Variants in JKAMP observed in about 807,000 individuals in gnomAD.
JKAMP encodes the protein JNK1/MAPK8 associated membrane protein.
In JKAMP, 20 loss-of-function variants were observed where a neutral mutation model predicts 40.2. The observed-to-expected ratio is 0.50, with a 90% CI of 0.35 to 0.72. JKAMP has a LOEUF of 0.72. JKAMP is among the 30% of genes least tolerant of loss of function. The probability of loss-of-function intolerance (pLI) is 0.01; values close to 1 mark genes in which losing one functional copy is unlikely to be tolerated. For synonymous variants in JKAMP, 138 were observed against 131.6 expected, an observed-to-expected ratio of 1.05 and a Z score of -0.33; for missense variants, 276 against 373.0, an observed-to-expected ratio of 0.74 and a Z score of 2.14.
At chr14:59,498,703 C>G in intron 4 of JKAMP, 24 bp from the exon 5 acceptor site, 7 of 1,245,690 alleles carry the variant, frequency 5.6e-6, no homozygotes, top group Non-Finnish European at 7.8e-6. Flanking sequence ...TTTGATGTTA[C>G]AAATTCTTTA....
intron 2 of JKAMP, 123 bp from the exon 3 acceptor site, chr14:59,487,550 TA>T: frequency 1.5e-6 from 1 of 687,880 alleles, no homozygotes; most frequent in Non-Finnish European, 2.5e-6. Flanking sequence ...TTTTTATTTC[TA>T]AAAGCTGCAC....
At chr14:59,490,961 G>A (rs1016752990) in intron 3 of JKAMP, among the ~76,000 whole-genome samples, 4 of 152,178 alleles carry the variant, frequency 2.6e-5, no homozygotes, top group Non-Finnish European at 4.4e-5. Context: ...GAGGGAAGGC[G>A]AGGAGTGACT....
intron 6 of JKAMP, among the ~76,000 whole-genome samples, chr14:59,502,282 A>T (rs7149558): frequency 6.6e-6 from 1 of 151,962 alleles, no homozygotes. Flanking sequence ...CAAACTCTAG[A>T]GGAAGCAGAA....
chr14:59,487,890 G>A, intron 3 of JKAMP, 62 bp downstream of exon 3: 1 of 1,433,774 alleles, frequency 7.0e-7, no homozygotes, highest in Non-Finnish European at 9.8e-7. Flanking sequence ...TCACTCAGAA[G>A]ACCTTATTAA....
At chr14:59,488,557 G>A (rs1485001106) in intron 3 of JKAMP, among the ~76,000 whole-genome samples, 1 of 152,186 alleles carries the variant, frequency 6.6e-6, no homozygotes, top group East Asian at 1.9e-4. Flanking sequence ...GAAGTAATCT[G>A]GGGTAGTCAA....
At chr14:59,495,295 C>A in intron 4 of JKAMP, 71 bp downstream of exon 4, 1 of 1,203,608 alleles carries the variant, frequency 8.3e-7, no homozygotes, top group Non-Finnish European at 1.2e-6. Flanking sequence ...GATTTTATGG[C>A]GTTTGGAGAC....
chr14:59,484,584 C>G lies in JKAMP; in HGVS notation c.-6C>G. The stretch of plus-strand genomic sequence containing the variant: ...GTGCTTCTCGAAAAAAACCTTCAGG[C>G]GGCCCATGGGTGAGTGGTCGCCAAG... On this transcript the variant is annotated 5_prime_UTR_variant, in exon 1 of 7. Transcript: ENST00000616435. 1 of 1,576,732 alleles carries G rather than the reference C, an allele frequency of 6.3e-7. No individual in the cohort carries two copies. Among genetic ancestry groups the G allele is most frequent in the East Asian group, 2.3e-5 (1 of 42,714 alleles).
intron 3 of JKAMP, among the ~76,000 whole-genome samples, chr14:59,494,015 A>G (rs1891232728): frequency 6.6e-6 from 1 of 152,180 alleles, no homozygotes; most frequent in Non-Finnish European, 1.5e-5. Flanking sequence ...TCAAATGGGA[A>G]AATGTAAAGT....
At chr14:59,492,099 A>G (rs1254524636) in intron 3 of JKAMP, among the ~76,000 whole-genome samples, 1 of 152,218 alleles carries the variant, frequency 6.6e-6, no homozygotes, top group Non-Finnish European at 1.5e-5. Flanking sequence ...GACACAGATA[A>G]TGGACTTTCA....
At position 59,501,225 on chromosome 14, in the gene JKAMP, T is replaced by G. The variant is rs1891854559; in HGVS notation, c.675T>G (p.Ser225=). ...YAFPYIILVL[S]LVTLAVYMSA... The stretch of plus-strand genomic sequence containing the variant: ...TCCCATACATTATATTAGTGTTATC[T>G]TTGGTTACTCTGGCTGTGTACATGT... The change falls in exon 6 of 7, where the codon TCT becomes TCG. Residue 225 remains serine, a synonymous_variant. Transcript: ENST00000616435. 1 of 1,605,902 alleles carries G rather than the reference T, an allele frequency of 6.2e-7. No homozygotes were observed. Among genetic ancestry groups the G allele is most frequent in the Non-Finnish European group, 8.5e-7 (1 of 1,173,404 alleles).
In JKAMP at chr14:59,504,301, G is replaced by C. The variant is rs978219159; in HGVS notation, c.*229G>C. ...GGTAATATTATCTGCTACACTGGAAGGCCGCTAGGAAGCCCTTGCTTCTCT... is the reference window on the plus strand; with the variant it reads ...GGTAATATTATCTGCTACACTGGAACGCCGCTAGGAAGCCCTTGCTTCTCT... On this transcript the variant is annotated 3_prime_UTR_variant, in exon 7 of 7. Coordinates refer to ENST00000616435, the MANE Select transcript of JKAMP (RefSeq NM_016475.5). The C allele has an allele frequency of 4.1e-6, 2 of 493,712 alleles. No individual in the cohort carries two copies. Among genetic ancestry groups the C allele is most frequent in the Non-Finnish European group, 7.2e-6 (2 of 279,650 alleles). 30.6% of individuals were successfully genotyped at this position (493,712 alleles called of 1,614,324 possible). A position where few individuals can be genotyped will look rare whatever the true frequency, so the allele number is the denominator to read the frequency against.
rs116489180 is a variant in JKAMP, at chr14:59,489,940, C to T, written c.251+2112C>T. ...AATTTATCTTTTCGTTTTTATTTTT[C>T]GAGACAATGTCCTGGTTTGTCACCT... On this transcript the variant is annotated intron_variant, in intron 3 of 6. Transcript: ENST00000616435. 4.5e-3 allele frequency among the ~76,000 whole-genome samples: 688 copies of T among 151,734 alleles called. 6 individuals are homozygous for T. The highest frequency in any genetic ancestry group is 0.016 in the African/African-American group (665 of 41,340).
intron 2 of JKAMP, among the ~76,000 whole-genome samples, 198 bp downstream of exon 2, chr14:59,487,002 A>C (rs1246866786): frequency 1.3e-5 from 2 of 152,202 alleles, no homozygotes; most frequent in Non-Finnish European, 2.9e-5. Context: ...GGAGTTCGAG[A>C]CCAGCCTGAC....
intron 4 of JKAMP, 26 bp downstream of exon 4, chr14:59,495,250 CA>C (rs1231152435): frequency 1.2e-5 from 18 of 1,456,998 alleles, no homozygotes; most frequent in Middle Eastern, 1.7e-4. Context: ...GACTTAAGAT[CA>C]TTGTTTTTTT....
At chr14:59,486,999 G>A (rs182672170) in intron 2 of JKAMP, among the ~76,000 whole-genome samples, 195 bp downstream of exon 2, 223 of 152,180 alleles carry the variant, frequency 1.5e-3, no homozygotes, top group Non-Finnish European at 1.9e-3. Flanking sequence ...TCAGGAGTTC[G>A]AGACCAGCCT....
In JKAMP at chr14:59,486,791, A is replaced by G; in HGVS notation, c.83A>G (p.Tyr28Cys). 1 of 1,570,380 alleles carries G rather than the reference A, an allele frequency of 6.4e-7. No individual in the cohort carries two copies. ...LLFKNGSTEI[Y>C]GECGVCPRGQ... Reference sequence around the variant, plus strand: ...TTTAAAAATGGCTCAACTGAAATATATGGAGAATGTGGGGTAAGTCTTATG... The same window carrying G: ...TTTAAAAATGGCTCAACTGAAATATGTGGAGAATGTGGGGTAAGTCTTATG... The change falls in exon 2 of 7, where the codon TAT becomes TGT. Residue 28 changes from tyrosine (Y) to cysteine (C), a missense_variant. Physicochemically the swap from Tyr to Cys is radical, Grantham distance 194 (BLOSUM62 -2). Coordinates refer to ENST00000616435, the MANE Select transcript of JKAMP (RefSeq NM_016475.5).
chr14:59,503,721 CTT>C, intron 6 of JKAMP, 131 bp from the exon 7 acceptor site: 1 of 615,018 alleles, frequency 1.6e-6, no homozygotes, highest in Non-Finnish European at 2.7e-6. Context: ...TTTCTTAAGT[CTT>C]TTTTAGCTCA....
intron 6 of JKAMP, 139 bp downstream of exon 6, chr14:59,501,406 T>C (rs1891870423): frequency 1.7e-6 from 1 of 592,624 alleles, no homozygotes; most frequent in Non-Finnish European, 2.9e-6. Context: ...TGGTAGCTTT[T>C]GGCTTGTTAA....
At chr14:59,490,510 A>G (rs532225675) in intron 3 of JKAMP, among the ~76,000 whole-genome samples, 38 of 152,308 alleles carry the variant, frequency 2.5e-4, no homozygotes, top group African/African-American at 9.1e-4. Context: ...TGTGGAGGGT[A>G]GGTAGATTAG....
Sources: allele counts gnomAD v4.1 joint callset (sites outside exome capture counted in the v4.1 genomes callset), GRCh38; gene constraint gnomAD v4.1.1; transcripts MANE v1.5; gene names NCBI Gene and HGNC (gene_info 2026-07-23, HGNC 2026-07-21).